PPP3CC: variants seen among roughly 807,000 people sequenced by gnomAD.
The protein encoded by PPP3CC is serine/threonine-protein phosphatase 2B catalytic subunit gamma isoform.
A neutral mutation model predicts 60.3 loss-of-function variants in PPP3CC; 35 were observed. The observed-to-expected ratio is 0.58, with a 90% CI of 0.44 to 0.77. The LOEUF is 0.77. Ranked by LOEUF, PPP3CC falls within the 30% of genes least tolerant of loss-of-function variation. The probability of loss-of-function intolerance (pLI) is 0.00; values close to 1 mark genes in which losing one functional copy is unlikely to be tolerated. For synonymous variants in PPP3CC, 206 were observed against 224.3 expected, an observed-to-expected ratio of 0.92 and a Z score of 0.73; for missense variants, 570 against 628.9, an observed-to-expected ratio of 0.91 and a Z score of 1.00.
chr8:22,540,049 C>T (rs577252981), intron 13 of PPP3CC, among the ~76,000 whole-genome samples: 3 of 152,192 alleles, frequency 2.0e-5, no homozygotes, highest in African/African-American at 7.2e-5. Flanking sequence ...AATGCCTTAA[C>T]TTGGTGTTAT....
chr8:22,481,560 A>G (rs77028408), intron 3 of PPP3CC, among the ~76,000 whole-genome samples: 1 of 148,420 alleles, frequency 6.7e-6, no homozygotes, highest in Non-Finnish European at 1.5e-5. Flanking sequence ...TTTTTTTTTA[A>G]TGTTTTAAAT....
chr8:22,508,382 A>G (rs1037011107), intron 4 of PPP3CC, among the ~76,000 whole-genome samples: 11 of 152,330 alleles, frequency 7.2e-5, no homozygotes, highest in African/African-American at 2.4e-4. Flanking sequence ...AACCCCTCAG[A>G]AAATTAAATA....
intron 3 of PPP3CC, chr8:22,492,856 C>G: frequency 9.7e-7 from 1 of 1,030,748 alleles, no homozygotes. Flanking sequence ...GAGATGCCAG[C>G]AAACTCTTTC....
At position 22,475,061 on chromosome 8, in the gene PPP3CC, G is replaced by C. The variant is rs201270011; in HGVS notation, c.157G>C (p.Glu53Gln). 6.2e-7 allele frequency: 1 copy of C among 1,613,654 alleles called. No individual in the cohort carries two copies. Among genetic ancestry groups the C allele is most frequent in the East Asian group, 2.2e-5 (1 of 44,838 alleles). Residue 53 changes from glutamate to glutamine, a missense_variant, in exon 2 of 14, where the codon GAA (glutamate) becomes CAA (glutamine). Physicochemically the swap from Glu to Gln is conservative, Grantham distance 29. Transcript: ENST00000240139. ...KNHLVKEGRL[E>Q]EEVALKIIND... is the part of the protein sequence containing the mutation. The stretch of plus-strand genomic sequence containing the variant: ...CCATTTGGTAAAGGAAGGACGACTG[G>C]AAGAGGAAGTAGCCTTAAAGATAAT...
intron 1 of PPP3CC, among the ~76,000 whole-genome samples, chr8:22,450,195 AAC>A (rs1836970096): frequency 6.6e-6 from 1 of 152,154 alleles, no homozygotes; most frequent in Non-Finnish European, 1.5e-5. Flanking sequence ...AAAAACCCAA[AAC>A]AAATAGACTT....
At chr8:22,495,866 A>T (rs777391704) in intron 3 of PPP3CC, among the ~76,000 whole-genome samples, 3 of 151,924 alleles carry the variant, frequency 2.0e-5, no homozygotes, top group Non-Finnish European at 2.9e-5. Context: ...GCCTATTTTC[A>T]TTTTTGTGTG....
chr8:22,527,765 A>C (rs1211046358), intron 9 of PPP3CC, among the ~76,000 whole-genome samples: 1 of 151,642 alleles, frequency 6.6e-6, no homozygotes, highest in African/African-American at 2.4e-5. Flanking sequence ...CCTTCTGAGG[A>C]GCTGGGATTA....
chr8:22,450,373 A>G (rs73546036), intron 1 of PPP3CC, among the ~76,000 whole-genome samples: 1,757 of 152,120 alleles, frequency 0.012, 37 homozygotes, highest in African/African-American at 0.04. Flanking sequence ...GAAAAAAAGG[A>G]TTTTCTAAGT....
At chr8:22,472,702 C>T (rs1837766938) in intron 1 of PPP3CC, among the ~76,000 whole-genome samples, 1 of 152,004 alleles carries the variant, frequency 6.6e-6, no homozygotes, top group African/African-American at 2.4e-5. Flanking sequence ...TAATGAAAAC[C>T]TTTCTGTTTT....
chr8:22,483,646 A>G (rs1838138698), intron 3 of PPP3CC, among the ~76,000 whole-genome samples: 1 of 152,148 alleles, frequency 6.6e-6, no homozygotes, highest in African/African-American at 2.4e-5. Context: ...CCATTTATAA[A>G]TTCCGTTTTC....
intron 1 of PPP3CC, among the ~76,000 whole-genome samples, chr8:22,468,514 C>T (rs1837616638): frequency 6.6e-6 from 1 of 151,904 alleles, no homozygotes; most frequent in African/African-American, 2.4e-5. Flanking sequence ...TTATCCCTTT[C>T]ATTTAGGAAA....
intron 12 of PPP3CC, among the ~76,000 whole-genome samples, chr8:22,537,427 A>G (rs192725544): frequency 2.7e-4 from 41 of 152,336 alleles, no homozygotes; most frequent in Admixed American, 1.1e-3. Context: ...GAGAATGTGG[A>G]GAAATTGGGA....
rs575012784 is a variant in PPP3CC, at chr8:22,540,787, G to GC, written c.1524_1525insC (p.Lys509GlnfsTer7). ...CTGCGCACAGGAGCGACCAAGGGAAGAAAGCCCATTCATGACTTAGAGTCC... is the reference window on the plus strand; with the variant it reads ...CTGCGCACAGGAGCGACCAAGGGAAGCAAAGCCCATTCATGACTTAGAGTCC... On this transcript the variant is annotated frameshift_variant, in exon 14 of 14. Coordinates refer to ENST00000240139, the MANE Select transcript of PPP3CC (RefSeq NM_005605.5). LOFTEE classifies it high-confidence loss of function. 5 of 1,611,244 alleles carry GC rather than the reference G, an allele frequency of 3.1e-6. No homozygotes were observed. In the South Asian group the frequency reaches 5.5e-5, roughly 18 times the overall value.
At chr8:22,487,932 T>C (rs977008804) in intron 3 of PPP3CC, among the ~76,000 whole-genome samples, 2 of 152,226 alleles carry the variant, frequency 1.3e-5, no homozygotes, top group Non-Finnish European at 2.9e-5. Flanking sequence ...AACAGATCTC[T>C]TGATAATCAT....
chr8:22,467,443 G>A (rs1184028651), intron 1 of PPP3CC, among the ~76,000 whole-genome samples: 2 of 151,946 alleles, frequency 1.3e-5, no homozygotes, highest in South Asian at 4.1e-4. Context: ...TGTGTTTTTT[G>A]TTTGTTTGTT....
intron 3 of PPP3CC, among the ~76,000 whole-genome samples, chr8:22,488,418 C>G (rs191380261): frequency 9.3e-4 from 142 of 152,298 alleles, no homozygotes; most frequent in African/African-American, 3.3e-3. Flanking sequence ...TAGATGCACT[C>G]ATAATTACGT....
At chr8:22,532,409 C>A in intron 11 of PPP3CC, 103 bp downstream of exon 11, 1 of 939,302 alleles carries the variant, frequency 1.1e-6, no homozygotes, top group Non-Finnish European at 1.7e-6. Context: ...AGTATTGAAA[C>A]TGCAGGTCTT....
rs138694760 is a variant in PPP3CC, at chr8:22,442,532, A to G, written c.49+1074A>G. Among the ~76,000 whole-genome samples the G allele has an allele frequency of 5.4e-3, 824 of 152,294 alleles. 7 individuals are homozygous for G. Among genetic ancestry groups the G allele is most frequent in the African/African-American group, 0.018 (756 of 41,558 alleles). ...CTTAGGTTTCCCCCCTCTCTCCCCAAATCAGCCTCATAAATGTTAATTATC... is the reference window on the plus strand; with the variant it reads ...CTTAGGTTTCCCCCCTCTCTCCCCAGATCAGCCTCATAAATGTTAATTATC... On this transcript the variant is annotated intron_variant, in intron 1 of 13. Coordinates refer to ENST00000240139, the MANE Select transcript of PPP3CC (RefSeq NM_005605.5).
Position 22,540,745 on chromosome 8 carries a change from C to T in PPP3CC, c.1482C>T (p.Thr494=), listed in dbSNP as rs1563801367. The change falls in exon 14 of 14, where the codon ACC becomes ACT. Residue 494 remains threonine (T), a synonymous_variant. Coordinates refer to ENST00000240139, the MANE Select transcript of PPP3CC (RefSeq NM_005605.5). ...CTGGTGGGCCAATGAAATCTGTAAC[C>T]TCAGCACACTCACATGCTGCGCACA... ...IHAGGPMKSV[T]SAHSHAAHRS... 6.2e-7 allele frequency: 1 copy of T among 1,614,054 alleles called. No individual in the cohort carries two copies. Among genetic ancestry groups the T allele is most frequent in the Non-Finnish European group, 8.5e-7 (1 of 1,179,994 alleles).
Sources: allele counts gnomAD v4.1 joint callset (sites outside exome capture counted in the v4.1 genomes callset), GRCh38; gene constraint gnomAD v4.1.1; transcripts MANE v1.5; gene names NCBI Gene and HGNC (gene_info 2026-07-23, HGNC 2026-07-21).